The following CDK18 variants were observed in gnomAD, a reference collection of about 807,000 sequenced individuals.
CDK18 encodes cyclin-dependent kinase 18.
A neutral mutation model predicts 62.0 loss-of-function variants in CDK18; 52 were observed. That is an observed-to-expected ratio of 0.84 (90% confidence interval 0.67 to 1.06). The LOEUF (loss-of-function observed/expected upper bound fraction) is 1.06, where lower values mean the gene tolerates loss of function less well. CDK18 is among the 50% of genes least tolerant of loss of function. The pLI is 0.00. For missense variants in CDK18, 604 were observed against 619.9 expected, an observed-to-expected ratio of 0.97 and a Z score of 0.27; for synonymous variants, 237 against 247.0, an observed-to-expected ratio of 0.96 and a Z score of 0.38.
chr1:205,532,341 A>G lies in CDK18; in HGVS notation c.*963A>G, dbSNP rs1042832. The G allele has an allele frequency of 0.34, 51,263 of 152,630 alleles. 8,864 individuals carry two copies. Among genetic ancestry groups the G allele is most frequent in the South Asian group, 0.52 (2,501 of 4,812 alleles). The allele number at this position is 152,630 out of a possible 1,614,324, so 9.5% of individuals were successfully genotyped here. ...GCAGAGTCACCCTGACACTGGTGCC[A>G]GGCTGACCTCAGCTCCCGAAGGCTC... is the stretch of plus-strand genomic sequence containing the variant. On this transcript the variant is annotated 3_prime_UTR_variant, in exon 16 of 16. Coordinates refer to ENST00000429964, the MANE Select transcript of CDK18 (RefSeq NM_212502.3).
At chr1:205,519,980 G>C (rs573320108) in intron 1 of CDK18, among the ~76,000 whole-genome samples, 43 of 152,212 alleles carry the variant, frequency 2.8e-4, no homozygotes, top group Middle Eastern at 3.4e-3. Flanking sequence ...GGTGTGGCTG[G>C]TCTCCCTCCT....
In CDK18 at chr1:205,523,491, C is replaced by G. The variant is rs776036243; in HGVS notation, c.139C>G (p.Leu47Val). The change falls in exon 3 of 16, where the codon CTC becomes GTC. Residue 47 changes from leucine (L) to valine (V), a missense_variant. By Grantham distance (32) the Leu-to-Val change is conservative. Coordinates refer to ENST00000429964, the MANE Select transcript of CDK18 (RefSeq NM_212502.3). ...LHNRRNENLQ[L>V]GPLGRDPPQE... ...ACGCCTGTCCCTCTTAGACTTGCAG[C>G]TCGGTCCTCTTGGCAGAGACCCCCC... is the stretch of plus-strand genomic sequence containing the variant. 2 of 1,602,792 alleles carry G rather than the reference C, an allele frequency of 1.2e-6. No individual in the cohort carries two copies. The highest frequency in any genetic ancestry group is 4.5e-5 in the East Asian group (2 of 44,444).
chr1:205,506,029 C>T (rs546430254), intron 1 of CDK18, among the ~76,000 whole-genome samples: 1 of 152,320 alleles, frequency 6.6e-6, no homozygotes, highest in Admixed American at 6.5e-5. Flanking sequence ...ATTCCCCACC[C>T]GGGCATGGGC....
intron 15 of CDK18, among the ~76,000 whole-genome samples, chr1:205,530,920 G>A (rs1019745542): frequency 6.6e-6 from 1 of 152,182 alleles, no homozygotes; most frequent in Non-Finnish European, 1.5e-5. Context: ...GCATTTGACA[G>A]TAGCCCTGGC....
In CDK18 at chr1:205,516,463, A is replaced by G. The variant is rs1021389884; in HGVS notation, c.-21-6684A>G. Among the ~76,000 whole-genome samples the G allele has an allele frequency of 2.6e-5, 4 of 152,160 alleles. No individual in the cohort carries two copies. Among genetic ancestry groups the G allele is most frequent in the Non-Finnish European group, 2.9e-5 (2 of 68,030 alleles). On this transcript the variant is annotated intron_variant, in intron 1 of 15. Transcript: ENST00000429964. The surrounding 1 kb of genome is among the most constrained non-coding windows in gnomAD (Gnocchi z 4.8). ...CCCCAACCCCTGCCCCTGGGCCCAC[A>G]GAGACCAAGATTGAAAAGAAAAGCA...
chr1:205,514,911 C>A (rs1204549297), intron 1 of CDK18, among the ~76,000 whole-genome samples: 1 of 152,188 alleles, frequency 6.6e-6, no homozygotes. Flanking sequence ...CATGCACAGT[C>A]TCCCAGGGGA....
At chr1:205,531,025 A>C (rs753781077) in intron 15 of CDK18, among the ~76,000 whole-genome samples, 2 of 152,254 alleles carry the variant, frequency 1.3e-5, no homozygotes, top group Non-Finnish European at 2.9e-5. Flanking sequence ...TTCCTAGAAC[A>C]GTCAATGGCC....
At position 205,529,051 on chromosome 1, in the gene CDK18, G is replaced by A. The variant is rs1356369923; in HGVS notation, c.1027G>A (p.Gly343Ser). The A allele has an allele frequency of 1.2e-5, 19 of 1,596,680 alleles. No individual in the cohort carries two copies. Among genetic ancestry groups the A allele is most frequent in the Non-Finnish European group, 1.4e-5 (16 of 1,172,272 alleles). The change falls in exon 11 of 16, where the codon GGC (glycine) becomes AGC (serine). Residue 343 changes from glycine (G) to serine (S), a missense_variant. Coordinates refer to ENST00000429964, the MANE Select transcript of CDK18 (RefSeq NM_212502.3). ...EMATGRPLFPGSTVKEELHLI... is the reference protein window; with the variant it reads ...EMATGRPLFPSSTVKEELHLI... ...GGCCACAGGGAGGCCCCTCTTCCCG[G>A]GCTCCACAGTCAAGGAGGAGCTGCA... is the stretch of plus-strand genomic sequence containing the variant.
At chr1:205,526,564 C>A in intron 7 of CDK18, 103 bp downstream of exon 7, 2 of 991,964 alleles carry the variant, frequency 2.0e-6, no homozygotes, top group Non-Finnish European at 3.2e-6. Flanking sequence ...GGGATGAGGG[C>A]GACCCAGGCC....
In CDK18 at chr1:205,527,860, C is replaced by T. The variant is rs777181135; in HGVS notation, c.796C>T (p.Leu266=). ...CCACCGCAAGATCCTGCACCGGGAC[C>T]TGAAGCCCCAGAACCTGCTCATCAA... ...CHHRKILHRD[L]KPQNLLINER... is the part of the protein sequence containing the mutation. Residue 266 remains leucine (L), a synonymous_variant, in exon 9 of 16, where the codon CTG becomes TTG. Coordinates refer to ENST00000429964, the MANE Select transcript of CDK18 (RefSeq NM_212502.3). This position sits in a 1 kb window ranked among gnomAD's most constrained non-coding sequence, Gnocchi z 4.1. The T allele has an allele frequency of 1.1e-5, 18 of 1,614,034 alleles. No individual in the cohort carries two copies. The Admixed American group carries it at 2.3e-4, about 21-fold the overall frequency.
In CDK18 at chr1:205,523,502, T is replaced by G; in HGVS notation, c.150T>G (p.Leu50=). 6.2e-7 allele frequency: 1 copy of G among 1,604,670 alleles called. No homozygotes were observed. The highest frequency in any genetic ancestry group is 8.5e-7 in the Non-Finnish European group (1 of 1,176,142). ...TCTTAGACTTGCAGCTCGGTCCTCT[T>G]GGCAGAGACCCCCCGCAGGAGTGCA... ...RRNENLQLGP[L]GRDPPQECST... The change falls in exon 3 of 16, where the codon CTT becomes CTG. Residue 50 remains leucine (L), a synonymous_variant. Transcript: ENST00000429964.
At position 205,523,609 on chromosome 1, in the gene CDK18, GCCGCTT is replaced by G. The variant is rs1436979618; in HGVS notation, c.259_264del (p.Arg87_Phe88del). ...CAGTTCCAGCGGCGGCAGAACCAGC[GCCGCTT>G]CTCCATGGAGGTAAGGGCCTCTGGA... On this transcript the variant is annotated inframe_deletion, in exon 3 of 16. Coordinates refer to ENST00000429964, the MANE Select transcript of CDK18 (RefSeq NM_212502.3). 2 of 1,573,698 alleles carry G rather than the reference GCCGCTT, an allele frequency of 1.3e-6. No homozygotes were observed. Among genetic ancestry groups the G allele is most frequent in the Non-Finnish European group, 1.7e-6 (2 of 1,159,816 alleles).
rs1667905759 is a variant in CDK18 at position 205,517,925 on chromosome 1, T to G, written c.-21-5222T>G. ...CATCCGTTCAAACCCTCCTTACCCC[T>G]CGAGGCCCAACACAGCTGCTCCGCA... On this transcript the variant is annotated intron_variant, in intron 1 of 15. Transcript: ENST00000429964. This position sits in a 1 kb window ranked among gnomAD's most constrained non-coding sequence, Gnocchi z 4.1. Among the ~76,000 whole-genome samples, 1 of 152,062 alleles carries G rather than the reference T, an allele frequency of 6.6e-6. No individual in the cohort carries two copies. Among genetic ancestry groups the G allele is most frequent in the Non-Finnish European group, 1.5e-5 (1 of 68,012 alleles).
At chr1:205,515,238 G>T (rs56145927) in intron 1 of CDK18, among the ~76,000 whole-genome samples, 1 of 147,484 alleles carries the variant, frequency 6.8e-6, no homozygotes. Flanking sequence ...GTGCAGTGGC[G>T]CCATTTCGGC....
chr1:205,516,162 T>A lies in CDK18; in HGVS notation c.-21-6985T>A, dbSNP rs11240504. Among the ~76,000 whole-genome samples, 35,951 of 151,990 alleles carry A rather than the reference T, an allele frequency of 0.24. 5,302 individuals carry two copies. Among genetic ancestry groups the A allele is most frequent in the East Asian group, 0.65 (3,339 of 5,140 alleles). ...GTGCAGAACAGGGTCAGCTGGAGGA[T>A]GAAGGAAGAGATGGTATCTGCAGGC... On this transcript the variant is annotated intron_variant, in intron 1 of 15. Transcript: ENST00000429964. This position sits in a 1 kb window ranked among gnomAD's most constrained non-coding sequence, Gnocchi z 4.8.
At chr1:205,506,494 G>C (rs1667311755) in intron 1 of CDK18, among the ~76,000 whole-genome samples, 3 of 152,210 alleles carry the variant, frequency 2.0e-5, no homozygotes, top group Admixed American at 2.0e-4. Context: ...AGGCAGAGTA[G>C]ACAAGCCTTA....
intron 5 of CDK18, 47 bp from the exon 6 acceptor site, chr1:205,526,018 C>A: frequency 7.0e-7 from 1 of 1,418,768 alleles, no homozygotes; most frequent in Non-Finnish European, 9.8e-7. Flanking sequence ...GGACAGAGGC[C>A]AGCAGCACCT....
chr1:205,527,850 G>T lies in CDK18; in HGVS notation c.786G>T (p.Leu262=), dbSNP rs1451124836. ...GLAYCHHRKI[L]HRDLKPQNLL... is the part of the protein sequence containing the mutation. ...CCTACTGTCACCACCGCAAGATCCT[G>T]CACCGGGACCTGAAGCCCCAGAACC... The change falls in exon 9 of 16, where the codon CTG becomes CTT. Residue 262 remains leucine (L), a synonymous_variant. Transcript: ENST00000429964. The surrounding 1 kb of genome is among the most constrained non-coding windows in gnomAD (Gnocchi z 4.1). 1 of 1,614,102 alleles carries T rather than the reference G, an allele frequency of 6.2e-7. No homozygotes were observed.
chr1:205,505,994 G>C (rs1667287596), intron 1 of CDK18, among the ~76,000 whole-genome samples: 2 of 152,206 alleles, frequency 1.3e-5, no homozygotes, highest in Admixed American at 1.3e-4. Context: ...TCAGCACCCA[G>C]TGAGCTTCGG....
Sources: gnomAD v4.1 joint callset for allele counts (sites outside exome capture counted in the v4.1 genomes callset) on GRCh38, gnomAD v4.1.1 for gene constraint, Gnocchi (gnomAD v3.1) non-coding constraint, MANE v1.5 for transcripts, NCBI Gene and HGNC (gene_info 2026-07-23, HGNC 2026-07-21) for gene names.